Variants in ATP2C1 observed in about 807,000 individuals in gnomAD.
ATP2C1 encodes calcium-transporting ATPase type 2C member 1.
Under a neutral mutation model 120.5 loss-of-function variants are expected in ATP2C1, and 31 were observed. That is an observed-to-expected ratio of 0.26 (90% CI 0.19 to 0.35). The LOEUF is 0.35. ATP2C1 is among the 10% of genes least tolerant of loss of function. The pLI is 1.00. For missense variants in ATP2C1, 731 were observed against 1,107.5 expected (o/e 0.66, Z 4.83); for synonymous variants, 351 against 358.7 (o/e 0.98, Z 0.24).
chr3:130,879,907 C>T (rs1262487079), intron 1 of ATP2C1, among the ~76,000 whole-genome samples: 1 of 152,094 alleles, frequency 6.6e-6, no homozygotes, highest in South Asian at 2.1e-4. Context: ...GATCCTTGGG[C>T]CCCTGGGCAG....
intron 8 of ATP2C1, 41 bp downstream of exon 8, chr3:130,941,740 A>G (rs1003143329): frequency 2.8e-6 from 4 of 1,433,344 alleles, no homozygotes; most frequent in African/African-American, 1.4e-5. Flanking sequence ...AAATACGTGG[A>G]TGTAGATTAA....
intron 20 of ATP2C1, among the ~76,000 whole-genome samples, chr3:130,989,385 A>G (rs895850615): frequency 2.0e-5 from 3 of 151,488 alleles, no homozygotes; most frequent in African/African-American, 7.3e-5. Context: ...ACCAACATGG[A>G]GAAAACCTGT....
At chr3:131,007,099 T>C (rs1288107361), downstream of ATP2C1, among the ~76,000 whole-genome samples, 1 of 152,150 alleles carries the variant, frequency 6.6e-6, no homozygotes, top group Non-Finnish European at 1.5e-5. Context: ...AATTTGGTGA[T>C]CTCTTTCATT....
At chr3:130,850,750 T>G in exon 1 of ATP2C1, 1 of 700,188 alleles carries the variant, frequency 1.4e-6, no homozygotes, top group South Asian at 2.4e-5. Context: ...ATCTGAGGAA[T>G]TGCTAAGTTT....
At chr3:130,881,772 T>G (rs2068789505) in intron 1 of ATP2C1, among the ~76,000 whole-genome samples, 2 of 152,242 alleles carry the variant, frequency 1.3e-5, no homozygotes, top group Admixed American at 1.3e-4. Flanking sequence ...GATGTTTCAC[T>G]TCTTTGGTTA....
At chr3:130,900,603 G>T (rs945349380) in intron 2 of ATP2C1, among the ~76,000 whole-genome samples, 7 of 151,912 alleles carry the variant, frequency 4.6e-5, no homozygotes, top group Middle Eastern at 3.4e-3. Flanking sequence ...GTGTTTTTTT[G>T]AAAATTTAAA....
At chr3:130,979,523 G>T in intron 19 of ATP2C1, 104 bp downstream of exon 19, 1 of 1,241,656 alleles carries the variant, frequency 8.1e-7, no homozygotes, top group Non-Finnish European at 1.1e-6. Flanking sequence ...GTAATATTGA[G>T]ATTATGCAAT....
chr3:130,962,767 A>G (rs1302769423), intron 12 of ATP2C1: 1 of 151,280 alleles, frequency 6.6e-6, no homozygotes, highest in Non-Finnish European at 1.5e-5. Flanking sequence ...TTCCATTTGA[A>G]CTAGGAACAT....
At chr3:130,956,285 A>C (rs1362352495) in intron 11 of ATP2C1, 106 bp downstream of exon 11, 1 of 643,800 alleles carries the variant, frequency 1.6e-6, no homozygotes, top group African/African-American at 1.9e-5. Flanking sequence ...TTTTTTTATT[A>C]AGTTTAATAC....
intron 26 of ATP2C1, among the ~76,000 whole-genome samples, chr3:131,012,897 A>G (rs2063384577): frequency 6.6e-6 from 1 of 152,170 alleles, no homozygotes; most frequent in Admixed American, 6.5e-5. Context: ...TATTTCTCTA[A>G]GAGTATGGTA....
intron 1 of ATP2C1, among the ~76,000 whole-genome samples, chr3:130,875,412 A>G (rs1034055200): frequency 5.9e-5 from 9 of 152,232 alleles, no homozygotes; most frequent in Non-Finnish European, 1.2e-4. Flanking sequence ...TTCACTTAAC[A>G]TAACATCCTC....
rs776178258 is a variant in ATP2C1, at chr3:130,959,360, T to A, written c.899+19T>A. On this transcript the variant is annotated intron_variant, in intron 12 of 27. Coordinates refer to ENST00000510168, the MANE Select transcript of ATP2C1 (RefSeq NM_001378687.1). ...GTGTAAGGTAAGTCTCAATACTTTA[T>A]AATTGGAGTCTCTTTTGCCTCTTTT... 3.4e-5 allele frequency: 53 copies of A among 1,545,406 alleles called. 3 individuals are homozygous for A. The South Asian group carries it at 5.6e-4, about 16-fold the overall frequency.
At chr3:130,881,652 T>C (rs963654285) in intron 1 of ATP2C1, among the ~76,000 whole-genome samples, 2 of 152,238 alleles carry the variant, frequency 1.3e-5, no homozygotes, top group Non-Finnish European at 2.9e-5. Flanking sequence ...TTGGGTAGCA[T>C]GGACATTTAA....
At chr3:130,961,870 G>T (rs181900364) in intron 12 of ATP2C1, among the ~76,000 whole-genome samples, 1 of 152,036 alleles carries the variant, frequency 6.6e-6, no homozygotes, top group Non-Finnish European at 1.5e-5. Flanking sequence ...AATGATGTGG[G>T]TGAAATTAAT....
Position 130,903,725 on chromosome 3 carries a change from TCC to T in ATP2C1, c.6+8951_6+8952del, listed in dbSNP as rs1366282336. On this transcript the variant is annotated intron_variant, in intron 2 of 27. Coordinates refer to ENST00000510168, the MANE Select transcript of ATP2C1 (RefSeq NM_001378687.1). ...CCCTTTCCTTTCCTTTCCTTTCCTT[TCC>T]TTTCCTTTCCATCTTCTGTATTGCT... Among the ~76,000 whole-genome samples, 6 of 150,850 alleles carry T rather than the reference TCC, an allele frequency of 4.0e-5. No homozygotes were observed. In the Admixed American group the frequency reaches 4.0e-4, roughly 10 times the overall value.
rs71620100 is a variant in ATP2C1 at position 131,012,260 on chromosome 3, C to CTTT, written c.2630-3877_2630-3875dup. ...CGGTCTTACATGGTTTTTCTTTTTT[C>CTTT]TTTTTTTTTTTTTTTTTGAGACAGT... On this transcript the variant is annotated intron_variant, in intron 26 of 26. Transcript: ENST00000328560. 6.7e-4 allele frequency among the ~76,000 whole-genome samples: 85 copies of CTTT among 127,192 alleles called. 2 individuals carry two copies. Among genetic ancestry groups the CTTT allele is most frequent in the East Asian group, 3.6e-3 (16 of 4,434 alleles). 83.4% of individuals were successfully genotyped at this position (127,192 alleles called of 152,430 possible). A position where few individuals can be genotyped will look rare whatever the true frequency, so the allele number is the denominator to read the frequency against.
chr3:131,001,992 TAGTA>T lies in ATP2C1; in HGVS notation c.*646_*649del. 2 of 983,782 alleles carry T rather than the reference TAGTA, an allele frequency of 2.0e-6. No individual in the cohort carries two copies. Among genetic ancestry groups the T allele is most frequent in the Non-Finnish European group, 2.4e-6 (2 of 828,082 alleles). The allele number at this position is 983,782 out of a possible 1,614,324, so 60.9% of individuals were successfully genotyped here. A position where few individuals can be genotyped will look rare whatever the true frequency, so the allele number is the denominator to read the frequency against. On this transcript the variant is annotated 3_prime_UTR_variant, in exon 28 of 28. Transcript: ENST00000510168. ...ATTTGAAGTAAATTTTTGTTTTTCT[TAGTA>T]AGTGTAAATGGTTGCTTTATTTTTA...
chr3:130,973,178 CA>C (rs766976976), intron 17 of ATP2C1, among the ~76,000 whole-genome samples: 7 of 152,030 alleles, frequency 4.6e-5, no homozygotes, highest in Non-Finnish European at 1.0e-4. Flanking sequence ...AAGATTTTAT[CA>C]ACTAATGCTG....
At chr3:130,864,020 A>G (rs2068093128) in intron 1 of ATP2C1, among the ~76,000 whole-genome samples, 1 of 152,224 alleles carries the variant, frequency 6.6e-6, no homozygotes, top group Non-Finnish European at 1.5e-5. Context: ...GAACTGGGAA[A>G]CAGGCAGAGG....
Sources: gnomAD v4.1 joint callset for allele counts (sites outside exome capture counted in the v4.1 genomes callset) on GRCh38, gnomAD v4.1.1 for gene constraint, MANE v1.5 for transcripts, NCBI Gene and HGNC (gene_info 2026-07-23, HGNC 2026-07-21) for gene names.